DHRSX: variants seen among roughly 807,000 people sequenced by gnomAD.
DHRSX encodes the protein polyprenol dehydrogenase.
In DHRSX, 31 loss-of-function variants were observed where a neutral mutation model predicts 34.0. That is an observed-to-expected ratio of 0.91 (90% CI 0.69 to 1.23). DHRSX has a LOEUF of 1.23. DHRSX is among the 50% of genes most tolerant of loss of function. The probability of loss-of-function intolerance (pLI) is 0.00; values close to 1 mark genes in which losing one functional copy is unlikely to be tolerated. For synonymous variants in DHRSX, 201 were observed against 183.8 expected, an observed-to-expected ratio of 1.09 and a Z score of -0.76; for missense variants, 414 against 428.1, an observed-to-expected ratio of 0.97 and a Z score of 0.29.
At chrX:2,274,866 G>C (rs1377230740) in intron 4 of DHRSX, among the ~76,000 whole-genome samples, 1 of 152,154 alleles carries the variant, frequency 6.6e-6, no homozygotes, top group Non-Finnish European at 1.5e-5. Context: ...TTCTTTGCCA[G>C]TGGCTTTAGG....
At chrX:2,333,295 A>AT (rs781341322) in intron 3 of DHRSX, among the ~76,000 whole-genome samples, 135 of 152,258 alleles carry the variant, frequency 8.9e-4, no homozygotes, top group African/African-American at 3.0e-3. Context: ...ACAAACATGT[A>AT]TTTTTTTAAA....
At chrX:2,325,011 T>C (rs181176227) in intron 3 of DHRSX, among the ~76,000 whole-genome samples, 1,566 of 151,118 alleles carry the variant, frequency 0.01, 18 homozygotes, top group Admixed American at 0.019. Flanking sequence ...CCTGACCTAA[T>C]GATCCACCCG....
At chrX:2,303,872 G>C (rs2042052106) in intron 3 of DHRSX, among the ~76,000 whole-genome samples, 1 of 143,124 alleles carries the variant, frequency 7.0e-6, no homozygotes, top group African/African-American at 2.7e-5. Context: ...TGGATGGGTG[G>C]ATGGGTGGAT....
chrX:2,273,834 G>A (rs1602849957), intron 4 of DHRSX, among the ~76,000 whole-genome samples: 1 of 152,276 alleles, frequency 6.6e-6, no homozygotes, highest in African/African-American at 2.4e-5. Flanking sequence ...TTTTGCAAGA[G>A]CAGAGGGGAC....
intron 3 of DHRSX, among the ~76,000 whole-genome samples, chrX:2,309,803 C>T (rs1315870508): frequency 6.6e-6 from 1 of 152,058 alleles, no homozygotes; most frequent in Non-Finnish European, 1.5e-5. Flanking sequence ...ATCCCAGCTA[C>T]GTGGGAGGCT....
chrX:2,437,858 C>T (rs1197955160), intron 1 of DHRSX, among the ~76,000 whole-genome samples: 7 of 151,830 alleles, frequency 4.6e-5, no homozygotes, highest in Non-Finnish European at 4.4e-5. Context: ...GAAGAAAGAC[C>T]GTGTCACTCA....
chrX:2,447,478 T>C (rs1340781514), intron 1 of DHRSX, among the ~76,000 whole-genome samples: 1 of 152,204 alleles, frequency 6.6e-6, no homozygotes, highest in Non-Finnish European at 1.5e-5. Flanking sequence ...GTCATGGGCC[T>C]GTGAAACATC....
chrX:2,407,733 G>A (rs2043574679), intron 3 of DHRSX, among the ~76,000 whole-genome samples: 1 of 152,134 alleles, frequency 6.6e-6, no homozygotes. Flanking sequence ...TAAATAATGT[G>A]TCCACATGGA....
chrX:2,465,793 G>C (rs988437456), intron 1 of DHRSX, among the ~76,000 whole-genome samples: 2 of 124,174 alleles, frequency 1.6e-5, no homozygotes, highest in Admixed American at 1.8e-4. Flanking sequence ...TGGGCAACAA[G>C]AGCAAAACTC....
intron 1 of DHRSX, among the ~76,000 whole-genome samples, chrX:2,484,846 G>T (rs1276834388): frequency 6.6e-6 from 1 of 151,954 alleles, no homozygotes; most frequent in Non-Finnish European, 1.5e-5. Flanking sequence ...CCAGGAACCC[G>T]GTCTCTGGGC....
chrX:2,418,404 T>G (rs983677050), intron 2 of DHRSX, among the ~76,000 whole-genome samples: 3 of 151,858 alleles, frequency 2.0e-5, no homozygotes, highest in African/African-American at 7.3e-5. Context: ...CTAATACAAC[T>G]AGACTTCATC....
Position 2,245,628 on chromosome X carries a change from TATTG to T in DHRSX, c.597-2402_597-2399del, listed in dbSNP as rs2016259651. On this transcript the variant is annotated intron_variant, in intron 5 of 6. Transcript: ENST00000334651. ...CCCACCCCAACGTAGCTCTTACATA[TATTG>T]ATTGATGTCTCCTGTCTCCCTAAAA... Among the ~76,000 whole-genome samples the T allele has an allele frequency of 2.7e-5, 4 of 149,762 alleles. 1 individual carries two copies. The South Asian group carries it at 8.5e-4, about 32-fold the overall frequency.
At position 2,400,709 on chromosome X, in the gene DHRSX, C is replaced by A. The variant is rs183214946; in HGVS notation, c.286+8036G>T. On this transcript the variant is annotated intron_variant, in intron 3 of 6. Coordinates refer to ENST00000334651, the MANE Select transcript of DHRSX (RefSeq NM_145177.3). ...CAACCCTCATCTCTTGCACGTGGAA[C>A]GGGTCACAAAGAGCTCTCTTACTGA... Among the ~76,000 whole-genome samples the A allele has an allele frequency of 3.9e-5, 6 of 152,262 alleles. No homozygotes were observed. In the East Asian group the frequency reaches 9.6e-4, roughly 24 times the overall value.
At chrX:2,351,663 T>C (rs1390656791) in intron 3 of DHRSX, among the ~76,000 whole-genome samples, 1 of 152,192 alleles carries the variant, frequency 6.6e-6, no homozygotes. Flanking sequence ...AGGCTGATGA[T>C]GCATTGGGAG....
intron 5 of DHRSX, among the ~76,000 whole-genome samples, chrX:2,249,593 A>G (rs1413253442): frequency 7.9e-6 from 1 of 126,588 alleles, no homozygotes; most frequent in Non-Finnish European, 1.6e-5. Context: ...GCGCAATCTC[A>G]GCTCACTGCG....
At chrX:2,258,856 G>A (rs1242273882) in intron 5 of DHRSX, among the ~76,000 whole-genome samples, 1 of 152,228 alleles carries the variant, frequency 6.6e-6, no homozygotes, top group Non-Finnish European at 1.5e-5. Context: ...GAATCATGGA[G>A]AAATGAAACA....
chrX:2,332,871 C>T (rs900884227), intron 3 of DHRSX, among the ~76,000 whole-genome samples: 5 of 152,092 alleles, frequency 3.3e-5, no homozygotes, highest in African/African-American at 4.8e-5. Context: ...CGTTGTCTAA[C>T]GTGTATTCAG....
chrX:2,458,650 A>C (rs1356831635), intron 1 of DHRSX, among the ~76,000 whole-genome samples: 1 of 149,772 alleles, frequency 6.7e-6, no homozygotes, highest in Non-Finnish European at 1.5e-5. Flanking sequence ...CAGAGAGTGC[A>C]ATGGTGGTTG....
intron 4 of DHRSX, among the ~76,000 whole-genome samples, chrX:2,268,829 G>T (rs902897631): frequency 6.6e-6 from 1 of 152,208 alleles, no homozygotes; most frequent in Non-Finnish European, 1.5e-5. Flanking sequence ...GTCATTATTT[G>T]TACATTGGAA....
Sources: gnomAD v4.1 joint callset for allele counts (sites outside exome capture counted in the v4.1 genomes callset) on GRCh38, gnomAD v4.1.1 for gene constraint, MANE v1.5 for transcripts, NCBI Gene and HGNC (gene_info 2026-07-23, HGNC 2026-07-21) for gene names.